NFIB: variants seen among roughly 807,000 people sequenced by gnomAD.
The protein encoded by NFIB is nuclear factor I B.
NFIB carries 11 observed loss-of-function variants against 61.5 expected under a neutral mutation model. The ratio of observed to expected loss-of-function variants is 0.18; its 90% CI spans 0.11 to 0.30. The LOEUF (loss-of-function observed/expected upper bound fraction) is 0.30, where lower values mean the gene tolerates loss of function less well. Ranked by LOEUF, NFIB falls within the 10% of genes least tolerant of loss-of-function variation. The pLI, the probability that NFIB is intolerant of heterozygous loss-of-function variation, is 1.00. For missense variants in NFIB, 471 were observed against 608.9 expected, an observed-to-expected ratio of 0.77 and a Z score of 2.38; for synonymous variants, 260 against 216.5, an observed-to-expected ratio of 1.20 and a Z score of -1.76.
rs115447315 is a variant in NFIB at position 14,258,530 on chromosome 9, C to T, written c.562+48459G>A. ...AGATGATGTTGCACTACTACATTCC[C>T]TGTGAATTCTTTCTGCTGCTGCCAA... is the stretch of plus-strand genomic sequence containing the variant. On this transcript the variant is annotated intron_variant, in intron 2 of 10. Coordinates refer to ENST00000380953, the MANE Select transcript of NFIB (RefSeq NM_001190737.2). Among the ~76,000 whole-genome samples the T allele has an allele frequency of 6.1e-3, 922 of 152,328 alleles. 16 individuals carry two copies. Among genetic ancestry groups the T allele is most frequent in the African/African-American group, 0.021 (868 of 41,568 alleles).
chr9:14,307,662 A>G lies in NFIB; in HGVS notation c.31-142T>C, dbSNP rs940929298. ...TGAAAATAACATTCCTTTCTTATTT[A>G]AAATTATCAAAATAACAGGACAAGA... On this transcript the variant is annotated intron_variant, in intron 1 of 10. Transcript: ENST00000380953. This position sits in a 1 kb window ranked among gnomAD's most constrained non-coding sequence, Gnocchi z 5.3. 1.8e-5 allele frequency: 15 copies of G among 844,430 alleles called. No individual in the cohort carries two copies. The highest frequency in any genetic ancestry group is 2.4e-5 in the Non-Finnish European group (14 of 580,028). The allele number at this position is 844,430 out of a possible 1,614,324, so 52.3% of individuals were successfully genotyped here. A position where few individuals can be genotyped will look rare whatever the true frequency, so the allele number is the denominator to read the frequency against.
chr9:14,148,313 G>T (rs534640838), intron 5 of NFIB, among the ~76,000 whole-genome samples: 2 of 151,436 alleles, frequency 1.3e-5, no homozygotes, highest in Middle Eastern at 3.2e-3. Flanking sequence ...TTGTAGAGAG[G>T]GAGTTGTCCA....
At chr9:14,204,045 A>C (rs2049348870) in intron 2 of NFIB, among the ~76,000 whole-genome samples, 1 of 152,212 alleles carries the variant, frequency 6.6e-6, no homozygotes, top group Non-Finnish European at 1.5e-5. Flanking sequence ...TTTGACATAA[A>C]CTTATAATCT....
intron 2 of NFIB, among the ~76,000 whole-genome samples, chr9:14,193,921 G>A (rs2048216290): frequency 6.6e-6 from 1 of 152,074 alleles, no homozygotes; most frequent in East Asian, 1.9e-4. Context: ...TGCCAGCATT[G>A]CACCCTATGC....
At chr9:14,297,702 T>C (rs1015814644) in intron 2 of NFIB, among the ~76,000 whole-genome samples, 20 of 152,226 alleles carry the variant, frequency 1.3e-4, no homozygotes, top group Non-Finnish European at 2.5e-4. Context: ...AGTAAGGAAA[T>C]GTACATTTTA....
chr9:14,282,473 T>C (rs931185383), intron 2 of NFIB, among the ~76,000 whole-genome samples: 3 of 152,216 alleles, frequency 2.0e-5, no homozygotes, highest in African/African-American at 7.2e-5. Flanking sequence ...ATATTACACA[T>C]GGTGGACCAC....
chr9:14,252,627 G>A (rs2055764293), intron 2 of NFIB, among the ~76,000 whole-genome samples: 1 of 151,360 alleles, frequency 6.6e-6, no homozygotes, highest in Admixed American at 6.6e-5. Context: ...GACAATACAT[G>A]TTTCAGAAAT....
chr9:14,213,608 C>T (rs1013010061), intron 2 of NFIB, among the ~76,000 whole-genome samples: 1 of 152,158 alleles, frequency 6.6e-6, no homozygotes, highest in African/African-American at 2.4e-5. Flanking sequence ...CATGGGAAAC[C>T]GAAATACTTC....
the NFIB span, among the ~76,000 whole-genome samples, chr9:14,460,829 C>T: frequency 2.6e-5 from 4 of 152,016 alleles, no homozygotes; most frequent in Non-Finnish European, 5.9e-5. Context: ...CTTAGTGTAA[C>T]ATACAAGGCC....
chr9:14,252,212 G>T (rs1388356379), intron 2 of NFIB, among the ~76,000 whole-genome samples: 2 of 152,046 alleles, frequency 1.3e-5, no homozygotes, highest in African/African-American at 4.8e-5. Context: ...ATAGCAAACG[G>T]GCTGATATGG....
intron 2 of NFIB, among the ~76,000 whole-genome samples, chr9:14,247,559 CA>C (rs1467803945): frequency 6.6e-6 from 1 of 152,258 alleles, no homozygotes; most frequent in Admixed American, 6.5e-5. Flanking sequence ...ACTGCACAGG[CA>C]CCACTGCAGG....
intron 2 of NFIB, among the ~76,000 whole-genome samples, chr9:14,187,656 A>G (rs2382448): frequency 0.8 from 121,286 of 152,012 alleles, 49,349 homozygotes; most frequent in South Asian, 0.92. Context: ...CTTAACAAGG[A>G]GATTAGGTAC....
intron 1 of NFIB, among the ~76,000 whole-genome samples, chr9:14,391,188 C>T (rs1407650105): frequency 6.6e-6 from 1 of 152,092 alleles, no homozygotes; most frequent in Non-Finnish European, 1.5e-5. Context: ...CTGACAAATA[C>T]TACCTTGTCA....
intron 1 of NFIB, among the ~76,000 whole-genome samples, chr9:14,344,599 CTAAA>C (rs1379184649): frequency 2.0e-5 from 3 of 152,078 alleles, no homozygotes. Flanking sequence ...CCAGTTCTAC[CTAAA>C]TGACTGGGTT....
chr9:14,306,235 T>C (rs1412324371), intron 2 of NFIB, among the ~76,000 whole-genome samples: 1 of 152,198 alleles, frequency 6.6e-6, no homozygotes, highest in African/African-American at 2.4e-5. Flanking sequence ...TTTTTTGTTC[T>C]GTAAGCAGCG....
upstream of NFIB, among the ~76,000 whole-genome samples, chr9:14,401,205 T>C (rs915406040): frequency 6.6e-6 from 1 of 152,234 alleles, no homozygotes; most frequent in African/African-American, 2.4e-5. Context: ...ACAACCTCAA[T>C]AGCTTTCAGC....
At chr9:14,219,519 A>C (rs2051382276) in intron 2 of NFIB, among the ~76,000 whole-genome samples, 1 of 152,036 alleles carries the variant, frequency 6.6e-6, no homozygotes, top group Non-Finnish European at 1.5e-5. Context: ...TTTTCTCAAA[A>C]TTACAACCGC....
At chr9:14,508,994 A>T in the NFIB span, among the ~76,000 whole-genome samples, 4 of 152,212 alleles carry the variant, frequency 2.6e-5, no homozygotes, top group Non-Finnish European at 4.4e-5. Flanking sequence ...TGAAGGTGTA[A>T]AGACATAGAC....
intron 1 of NFIB, among the ~76,000 whole-genome samples, chr9:14,388,627 C>T (rs79194759): frequency 0.058 from 8,874 of 152,030 alleles, 490 homozygotes; most frequent in East Asian, 0.34. Context: ...ACATAGTAAA[C>T]ATATAAAAAT....
Sources: gnomAD v4.1 joint callset for allele counts (sites outside exome capture counted in the v4.1 genomes callset) on GRCh38, gnomAD v4.1.1 for gene constraint, Gnocchi (gnomAD v3.1) non-coding constraint, MANE v1.5 for transcripts, NCBI Gene and HGNC (gene_info 2026-07-23, HGNC 2026-07-21) for gene names.